MAP4K3: variants seen among roughly 807,000 people sequenced by gnomAD.
The protein encoded by MAP4K3 is MAPK/ERK kinase kinase kinase 3.
In MAP4K3, 94 loss-of-function variants were observed where a neutral mutation model predicts 143.5. The observed-to-expected ratio is 0.65, with a 90% CI of 0.55 to 0.78. MAP4K3 has a LOEUF of 0.78. Ranked by LOEUF, MAP4K3 falls within the 30% of genes least tolerant of loss-of-function variation. The probability of loss-of-function intolerance (pLI) is 0.00; values close to 1 mark genes in which losing one functional copy is unlikely to be tolerated. For synonymous variants in MAP4K3, 416 were observed against 347.2 expected, an observed-to-expected ratio of 1.20 and a Z score of -2.20; for missense variants, 1,077 against 1,068.1, an observed-to-expected ratio of 1.01 and a Z score of -0.12.
At chr2:39,255,116 T>C (rs1020070770) in intron 31 of MAP4K3, among the ~76,000 whole-genome samples, 1 of 152,200 alleles carries the variant, frequency 6.6e-6, no homozygotes, top group Non-Finnish European at 1.5e-5. Context: ...TGCATGTTTT[T>C]ACTATTACTA....
At chr2:39,410,352 T>C (rs1332549912) in intron 1 of MAP4K3, among the ~76,000 whole-genome samples, 2 of 152,202 alleles carry the variant, frequency 1.3e-5, no homozygotes, top group African/African-American at 4.8e-5. Flanking sequence ...TGTCAATAAT[T>C]AGACATAATT....
intron 24 of MAP4K3, among the ~76,000 whole-genome samples, chr2:39,275,184 G>A (rs1429280695): frequency 6.6e-6 from 1 of 152,140 alleles, no homozygotes; most frequent in Non-Finnish European, 1.5e-5. Flanking sequence ...TGGTTGATGG[G>A]TGCCTTCTCT....
chr2:39,329,108 C>T (rs1433511756), intron 8 of MAP4K3, among the ~76,000 whole-genome samples: 1 of 152,136 alleles, frequency 6.6e-6, no homozygotes, highest in South Asian at 2.1e-4. Context: ...AGATATTTCC[C>T]ACATTATTCC....
At chr2:39,428,638 C>T (rs1162477913) in intron 1 of MAP4K3, among the ~76,000 whole-genome samples, 2 of 151,272 alleles carry the variant, frequency 1.3e-5, no homozygotes, top group African/African-American at 2.4e-5. Flanking sequence ...ATCATGCCAT[C>T]GCACTCCAAC....
intron 3 of MAP4K3, among the ~76,000 whole-genome samples, chr2:39,352,544 T>C (rs1226218882): frequency 6.6e-6 from 1 of 152,214 alleles, no homozygotes; most frequent in African/African-American, 2.4e-5. Context: ...CAAACATATA[T>C]ATTCAGATAC....
chr2:39,419,279 TAAGTTTAGTTTACAGATTTTTCTTC>T (rs1251399459), intron 1 of MAP4K3, among the ~76,000 whole-genome samples: 1 of 152,078 alleles, frequency 6.6e-6, no homozygotes, highest in African/African-American at 2.4e-5. Flanking sequence ...CCAGACAAAA[TAAGTTTAGTTTACAGATTTTTCTTC>T]TAAAGCCCAC....
At chr2:39,268,830 G>A (rs1449394998) in intron 26 of MAP4K3, among the ~76,000 whole-genome samples, 1 of 151,698 alleles carries the variant, frequency 6.6e-6, no homozygotes, top group African/African-American at 2.4e-5. Flanking sequence ...AGTAGAGACG[G>A]GGTTTCGACA....
At chr2:39,399,237 A>T (rs535593696) in intron 1 of MAP4K3, among the ~76,000 whole-genome samples, 1 of 152,332 alleles carries the variant, frequency 6.6e-6, no homozygotes, top group South Asian at 2.1e-4. Flanking sequence ...GTTGTAATTT[A>T]TATGTCACTA....
At chr2:39,416,926 T>C (rs1056541908) in intron 1 of MAP4K3, among the ~76,000 whole-genome samples, 1 of 152,176 alleles carries the variant, frequency 6.6e-6, no homozygotes, top group African/African-American at 2.4e-5. Context: ...TCTGGGCCCC[T>C]CTATTTTCAT....
intron 2 of MAP4K3, among the ~76,000 whole-genome samples, chr2:39,377,284 T>G (rs1474283842): frequency 6.7e-6 from 1 of 150,282 alleles, no homozygotes; most frequent in African/African-American, 2.4e-5. Context: ...GAGCTAAAAC[T>G]TGTTTCACCA....
intron 1 of MAP4K3, among the ~76,000 whole-genome samples, chr2:39,404,491 C>T (rs1179456694): frequency 6.6e-6 from 1 of 151,902 alleles, no homozygotes; most frequent in East Asian, 1.9e-4. Context: ...TGAGGCTCCT[C>T]TGCCTGTGGA....
chr2:39,391,381 AGAAAG>A (rs1256331663), intron 1 of MAP4K3, among the ~76,000 whole-genome samples: 2 of 137,976 alleles, frequency 1.4e-5, no homozygotes, highest in African/African-American at 5.1e-5. Flanking sequence ...AAAAAAAAAA[AGAAAG>A]AAAGAAAGAA....
Position 39,280,305 on chromosome 2 carries a change from A to C in MAP4K3, c.1681T>G (p.Cys561Gly), listed in dbSNP as rs1329338564. The part of the protein sequence containing the change: ...VFNGCPLKIH[C>G]ASSWINPDTR... ...TCTGGGTTTATCCATGATGATGCAC[A>C]GTGAATTTTCAAGGGACACCCATTA... The change falls in exon 23 of 34, where the codon TGT becomes GGT. Residue 561 changes from cysteine (C) to glycine (G), a missense_variant. This residue lies in a region of MAP4K3 where 864 missense variants were observed against 801.2 expected (regional missense o/e 1.08). Transcript: ENST00000263881. The C allele has an allele frequency of 6.2e-7, 1 of 1,600,276 alleles. No individual in the cohort carries two copies.
intron 16 of MAP4K3, among the ~76,000 whole-genome samples, chr2:39,298,631 A>C (rs941871807): frequency 2.0e-5 from 3 of 152,102 alleles, no homozygotes; most frequent in African/African-American, 7.2e-5. Context: ...AAAATATGGG[A>C]ATATATATGT....
At chr2:39,269,134 A>G (rs995097397) in intron 26 of MAP4K3, among the ~76,000 whole-genome samples, 1 of 151,860 alleles carries the variant, frequency 6.6e-6, no homozygotes, top group Non-Finnish European at 1.5e-5. Context: ...TTAGAGTTGT[A>G]CAATTTTATA....
chr2:39,298,195 G>A lies in MAP4K3; in HGVS notation c.1178+1548C>T, dbSNP rs536502027. Among the ~76,000 whole-genome samples, 232 of 151,778 alleles carry A rather than the reference G, an allele frequency of 1.5e-3. 2 individuals carry two copies. Among genetic ancestry groups the A allele is most frequent in the African/African-American group, 4.9e-3 (205 of 41,430 alleles). On this transcript the variant is annotated intron_variant, in intron 16 of 33. Coordinates refer to ENST00000263881, the MANE Select transcript of MAP4K3 (RefSeq NM_003618.4). ...CACTTCAAAAATTTTTTTTATTTGCGAATCCACTATGAGACAAACTTTCCT... is the reference window on the plus strand; with the variant it reads ...CACTTCAAAAATTTTTTTTATTTGCAAATCCACTATGAGACAAACTTTCCT...
chr2:39,272,432 T>A, intron 25 of MAP4K3, 32 bp from the exon 26 acceptor site: 1 of 1,599,390 alleles, frequency 6.3e-7, no homozygotes, highest in African/African-American at 1.3e-5. Flanking sequence ...ACATAAAAGC[T>A]AATAATAAAT....
chr2:39,385,023 C>T (rs1242207897), intron 1 of MAP4K3, among the ~76,000 whole-genome samples: 1 of 152,156 alleles, frequency 6.6e-6, no homozygotes, highest in African/African-American at 2.4e-5. Flanking sequence ...TCTTCTTTCA[C>T]CAAGTTGTTG....
chr2:39,386,820 C>CTTTTTTTTTTTTTT lies in MAP4K3; in HGVS notation c.97-8698_97-8697insAAAAAAAAAAAAAA, dbSNP rs56011585. 4.0e-3 allele frequency among the ~76,000 whole-genome samples: 560 copies of CTTTTTTTTTTTTTT among 139,004 alleles called. 23 individuals carry two copies. Among genetic ancestry groups the CTTTTTTTTTTTTTT allele is most frequent in the African/African-American group, 0.015 (527 of 36,220 alleles). The allele number at this position is 139,004 out of a possible 152,430, so 91.2% of individuals were successfully genotyped here. A position where few individuals can be genotyped will look rare whatever the true frequency, so the allele number is the denominator to read the frequency against. On this transcript the variant is annotated intron_variant, in intron 1 of 33. Transcript: ENST00000263881. ...GATTAGTGTAATTTTTTTTGTTGTTCTTTTTTTTTTTTTGAGACGGAGTCT... is the reference window on the plus strand; with the variant it reads ...GATTAGTGTAATTTTTTTTGTTGTTCTTTTTTTTTTTTTTTTTTTTTTTTTTTGAGACGGAGTCT...
Sources: allele counts gnomAD v4.1 joint callset (sites outside exome capture counted in the v4.1 genomes callset), GRCh38; gene constraint gnomAD v4.1.1; regional missense constraint gnomAD v4.1.1; transcripts MANE v1.5; gene names NCBI Gene and HGNC (gene_info 2026-07-23, HGNC 2026-07-21).